CHN2: variants seen among roughly 807,000 people sequenced by gnomAD.
CHN2 encodes beta-chimaerin.
In CHN2, 35 loss-of-function variants were observed where a neutral mutation model predicts 56.3. The observed-to-expected ratio is 0.62, with a 90% CI of 0.47 to 0.82. The LOEUF is 0.82. CHN2 is among the 40% of genes least tolerant of loss of function. The pLI is 0.00. For synonymous variants in CHN2, 210 were observed against 212.8 expected (o/e 0.99, Z 0.12); for missense variants, 491 against 580.5 (o/e 0.85, Z 1.58).
chr7:29,308,480 TG>T (rs1246172669), intron 1 of CHN2, among the ~76,000 whole-genome samples: 2 of 152,078 alleles, frequency 1.3e-5, no homozygotes, highest in African/African-American at 4.8e-5. Context: ...TGTGTGTGTG[TG>T]TTGGGATAGG....
intron 6 of CHN2, among the ~76,000 whole-genome samples, chr7:29,420,816 C>CT (rs56050438): frequency 0.74 from 107,881 of 146,358 alleles, 40,798 homozygotes; most frequent in Non-Finnish European, 0.83. Flanking sequence ...TCTTTTCTTT[C>CT]TTTTTTTTTT....
At chr7:29,454,481 C>T (rs1343572168) in intron 6 of CHN2, among the ~76,000 whole-genome samples, 1 of 152,172 alleles carries the variant, frequency 6.6e-6, no homozygotes, top group African/African-American at 2.4e-5. Context: ...TTTGTATTTG[C>T]ATCTCATTTT....
At chr7:29,264,298 C>T (rs1313534529) in intron 1 of CHN2, among the ~76,000 whole-genome samples, 1 of 152,340 alleles carries the variant, frequency 6.6e-6, no homozygotes, top group South Asian at 2.1e-4. Flanking sequence ...CGGCCGTAAC[C>T]CCGTCTGGGA....
chr7:29,320,772 A>G (rs1795279822), intron 1 of CHN2, among the ~76,000 whole-genome samples: 1 of 151,888 alleles, frequency 6.6e-6, no homozygotes, highest in African/African-American at 2.4e-5. Context: ...ATGAGGGAAC[A>G]TCTTTTTCTG....
intron 2 of CHN2, chr7:29,147,149 C>T (rs1792845221): frequency 1.3e-6 from 1 of 757,432 alleles, no homozygotes; most frequent in Admixed American, 3.0e-5. Flanking sequence ...ATATTATTAG[C>T]CACCACCAGG....
In CHN2 at chr7:29,211,238, T is replaced by C. The variant is rs1341815197; in HGVS notation, c.49+16248T>C. Among the ~76,000 whole-genome samples the C allele has an allele frequency of 9.5e-5, 14 of 147,474 alleles. No individual in the cohort carries two copies. The East Asian group carries it at 2.7e-3, about 29-fold the overall frequency. On this transcript the variant is annotated intron_variant, in intron 1 of 12. Transcript: ENST00000222792. ...GGCGCCTGCCACCATGCCCAGCTAA[T>C]TTTTTGTATTTTTTTTTTTTTAGTA... is the stretch of plus-strand genomic sequence containing the variant.
intron 1 of CHN2, chr7:29,212,391 C>T: frequency 6.2e-7 from 1 of 1,606,278 alleles, no homozygotes; most frequent in Admixed American, 1.7e-5. Flanking sequence ...GATTTGTGGG[C>T]CTGAAGAAAA....
At chr7:29,178,217 C>T (rs941004960) in intron 2 of CHN2, among the ~76,000 whole-genome samples, 4 of 152,220 alleles carry the variant, frequency 2.6e-5, no homozygotes, top group African/African-American at 7.2e-5. Flanking sequence ...TATCCTTTTC[C>T]ATAGCTGCCA....
intron 1 of CHN2, among the ~76,000 whole-genome samples, chr7:29,293,855 G>A (rs1045845569): frequency 1.5e-5 from 2 of 136,542 alleles, no homozygotes; most frequent in Non-Finnish European, 3.1e-5. Context: ...ACGAGGCTGG[G>A]AATTTTTTTT....
intron 1 of CHN2, among the ~76,000 whole-genome samples, chr7:29,330,854 A>C (rs1461855906): frequency 1.3e-5 from 2 of 152,196 alleles, no homozygotes; most frequent in African/African-American, 2.4e-5. Flanking sequence ...TTAAAGGTGT[A>C]TGGTATAGCA....
At chr7:29,184,095 A>G (rs969987856) in intron 2 of CHN2, among the ~76,000 whole-genome samples, 1 of 151,858 alleles carries the variant, frequency 6.6e-6, no homozygotes, top group Non-Finnish European at 1.5e-5. Flanking sequence ...GGGGTTCTGG[A>G]TCCAATCTCC....
At chr7:29,332,423 T>A (rs39132) in intron 1 of CHN2, among the ~76,000 whole-genome samples, 6 of 152,222 alleles carry the variant, frequency 3.9e-5, no homozygotes, top group East Asian at 1.9e-4. Flanking sequence ...ACAATTTTTT[T>A]ACTCTATGAG....
At chr7:29,221,424 TAAAA>T (rs1328263669) in intron 1 of CHN2, among the ~76,000 whole-genome samples, 6 of 152,210 alleles carry the variant, frequency 3.9e-5, no homozygotes, top group Non-Finnish European at 8.8e-5. Flanking sequence ...ATAGTAACGT[TAAAA>T]AATCAAGTAC....
At position 29,467,101 on chromosome 7, in the gene CHN2, G is replaced by A. The variant is rs17158043; in HGVS notation, c.577-13178G>A. On this transcript the variant is annotated intron_variant, in intron 6 of 12. Transcript: ENST00000222792. The stretch of plus-strand genomic sequence containing the variant: ...ACAAGCATCATTTTTATTGTTGCAT[G>A]AGTGTCATATGTACGTAGCTATTTC... 7.1e-3 allele frequency among the ~76,000 whole-genome samples: 1,078 copies of A among 152,236 alleles called. 20 individuals are homozygous for A. The highest frequency in any genetic ancestry group is 0.025 in the African/African-American group (1,032 of 41,532).
At chr7:29,357,264 C>T (rs1798384016) in intron 2 of CHN2, among the ~76,000 whole-genome samples, 1 of 152,136 alleles carries the variant, frequency 6.6e-6, no homozygotes, top group Admixed American at 6.5e-5. Flanking sequence ...ACTAATAGTC[C>T]TCCAGGCTCT....
intron 6 of CHN2, among the ~76,000 whole-genome samples, chr7:29,459,483 C>T (rs10244042): frequency 0.053 from 8,040 of 152,214 alleles, 556 homozygotes; most frequent in African/African-American, 0.15. Context: ...GCCTCCCCTG[C>T]AGGTTGTTCA....
chr7:29,287,786 T>A (rs1289013563), intron 1 of CHN2, among the ~76,000 whole-genome samples: 1 of 152,230 alleles, frequency 6.6e-6, no homozygotes, highest in Non-Finnish European at 1.5e-5. Flanking sequence ...TCTTCCTTAA[T>A]GACCCTAAGA....
intron 1 of CHN2, among the ~76,000 whole-genome samples, chr7:29,203,346 A>C (rs1461897368): frequency 6.6e-6 from 1 of 151,924 alleles, no homozygotes; most frequent in Non-Finnish European, 1.5e-5. Context: ...GCATACCTGT[A>C]ATCCCAGCTA....
intron 1 of CHN2, among the ~76,000 whole-genome samples, chr7:29,311,134 T>C (rs571655999): frequency 6.6e-6 from 1 of 152,310 alleles, no homozygotes; most frequent in East Asian, 1.9e-4. Flanking sequence ...TTCAGCCTTG[T>C]TAGCATCTCT....
Sources: gnomAD v4.1 joint callset for allele counts (sites outside exome capture counted in the v4.1 genomes callset) on GRCh38, gnomAD v4.1.1 for gene constraint, MANE v1.5 for transcripts, NCBI Gene and HGNC (gene_info 2026-07-23, HGNC 2026-07-21) for gene names.